GYPB: variants seen among roughly 807,000 people sequenced by gnomAD.
GYPB encodes the protein glycophorin B (MNS blood group).
Under a neutral mutation model 15.3 loss-of-function variants are expected in GYPB, and 13 were observed. The ratio of observed to expected loss-of-function variants is 0.85; its 90% CI spans 0.55 to 1.35. GYPB has a LOEUF of 1.35. GYPB is among the 40% of genes most tolerant of loss of function. GYPB has a pLI of 0.00. For missense variants in GYPB, 131 were observed against 108.3 expected (o/e 1.21, Z -0.93); for synonymous variants, 38 against 36.9 (o/e 1.03, Z -0.11).
At position 144,008,302 on chromosome 4, in the gene GYPB, C is replaced by G. The variant is rs1728031898; in HGVS notation, c.38-7019G>C. 10 of 440,950 alleles carry G rather than the reference C, an allele frequency of 2.3e-5. No individual in the cohort carries two copies. In the Admixed American group the frequency reaches 2.4e-4, roughly 11 times the overall value. The allele number at this position is 440,950 out of a possible 1,614,324, so 27.3% of individuals were successfully genotyped here. A position where few individuals can be genotyped will look rare whatever the true frequency, so the allele number is the denominator to read the frequency against. On this transcript the variant is annotated intron_variant, in intron 1 of 4. Coordinates refer to ENST00000502664, the MANE Select transcript of GYPB (RefSeq NM_002100.6). ...TAAGTTGTCATTGAGAGATTAAATTCTCACCAAATTATAATGCAACCAACT... is the reference window on the plus strand; with the variant it reads ...TAAGTTGTCATTGAGAGATTAAATTGTCACCAAATTATAATGCAACCAACT...
At chr4:143,997,202 A>T (rs1449620472) in intron 4 of GYPB, 1 of 168,728 alleles carries the variant, frequency 5.9e-6, no homozygotes, top group Admixed American at 6.0e-5. Context: ...TATTATTTTA[A>T]ATATTTTTTA....
intron 1 of GYPB, among the ~76,000 whole-genome samples, chr4:144,016,350 C>T (rs1728500146): frequency 6.7e-6 from 1 of 149,920 alleles, no homozygotes; most frequent in Admixed American, 6.6e-5. Context: ...CCCTTCCCTT[C>T]TCTCTTCTCC....
chr4:144,015,071 A>G (rs1728419776), intron 1 of GYPB, among the ~76,000 whole-genome samples: 1 of 151,466 alleles, frequency 6.6e-6, no homozygotes, highest in African/African-American at 2.5e-5. Flanking sequence ...AATAGATTGT[A>G]TAGTCATAGT....
chr4:143,996,891 ATTTTAT>A (rs1727344868), intron 4 of GYPB, among the ~76,000 whole-genome samples: 1 of 150,770 alleles, frequency 6.6e-6, no homozygotes, highest in Non-Finnish European at 1.5e-5. Context: ...CAAAAGTTTT[ATTTTAT>A]TTTTATTTAT....
rs1727378825 is a variant in GYPB, at chr4:143,997,385, T to G, written c.270+155A>C. 10 of 526,438 alleles carry G rather than the reference T, an allele frequency of 1.9e-5. 1 individual carries two copies. The South Asian group carries it at 2.3e-4, about 12-fold the overall frequency. The allele number at this position is 526,438 out of a possible 1,614,324, so 32.6% of individuals were successfully genotyped here. The stretch of plus-strand genomic sequence containing the variant: ...GGCAAATGCAAAAAAAAAATTCTGC[T>G]AGAGAAACACAGTGACTTCTATGTG... On this transcript the variant is annotated intron_variant, in intron 4 of 4. Coordinates refer to ENST00000502664, the MANE Select transcript of GYPB (RefSeq NM_002100.6).
At chr4:144,001,555 T>C (rs1560706368) in intron 1 of GYPB, among the ~76,000 whole-genome samples, 2 of 151,312 alleles carry the variant, frequency 1.3e-5, no homozygotes, top group East Asian at 1.9e-4. Flanking sequence ...ATCTGTACAA[T>C]AGTAATACTT....
At chr4:143,995,494 A>G (rs1028076985), downstream of GYPB, among the ~76,000 whole-genome samples, 6 of 151,082 alleles carry the variant, frequency 4.0e-5, no homozygotes, top group African/African-American at 1.5e-4. Context: ...GCACATTGGG[A>G]CCCCAGGTCC....
At chr4:144,008,772 A>G (rs1728062857) in intron 1 of GYPB, among the ~76,000 whole-genome samples, 1 of 151,506 alleles carries the variant, frequency 6.6e-6, no homozygotes, top group African/African-American at 2.5e-5. Context: ...TGGTTGAACA[A>G]TACAAAATTG....
intron 1 of GYPB, among the ~76,000 whole-genome samples, chr4:144,011,998 A>T (rs1369837817): frequency 6.6e-6 from 1 of 152,172 alleles, no homozygotes; most frequent in Non-Finnish European, 1.5e-5. Flanking sequence ...GTTTTTAAAA[A>T]TATAATGATG....
At chr4:144,016,328 C>T (rs1273538925) in intron 1 of GYPB, among the ~76,000 whole-genome samples, 1 of 150,168 alleles carries the variant, frequency 6.7e-6, no homozygotes, top group Non-Finnish European at 1.5e-5. Flanking sequence ...CCTCCCCTTC[C>T]TCCTGTCTCT....
rs141053026 is a variant in GYPB at position 144,019,165 on chromosome 4, G to C, written c.37+86C>G. ...ACTACTCATTTATTGATTTAAATAA[G>C]ATAGAACTGAAATAGGGTAGTTCAT... On this transcript the variant is annotated intron_variant, in intron 1 of 4. Transcript: ENST00000502664. 3.0e-3 allele frequency: 4,817 copies of C among 1,598,262 alleles called. 380 individuals carry two copies. In the African/African-American group the frequency reaches 0.058, roughly 19 times the overall value.
intron 4 of GYPB, 137 bp from the exon 5 acceptor site, chr4:143,996,441 G>A: frequency 6.8e-7 from 1 of 1,477,424 alleles, no homozygotes; most frequent in Non-Finnish European, 9.2e-7. Flanking sequence ...GGGTACCTAG[G>A]GGTGTTGCCA....
At chr4:144,016,925 TAAC>T in intron 1 of GYPB, 1 of 348,530 alleles carries the variant, frequency 2.9e-6, no homozygotes, top group South Asian at 2.3e-5. Context: ...ACTCAGAAAA[TAAC>T]TCCCTGCTAC....
intron 1 of GYPB, among the ~76,000 whole-genome samples, chr4:144,006,695 C>T (rs1470818176): frequency 1.3e-5 from 2 of 152,050 alleles, no homozygotes; most frequent in South Asian, 2.1e-4. Flanking sequence ...CAAACTCTTA[C>T]AAGGACACAC....
At chr4:143,998,930 G>T (rs67944983) in intron 3 of GYPB, among the ~76,000 whole-genome samples, 28,800 of 148,912 alleles carry the variant, frequency 0.19, 3,383 homozygotes, top group East Asian at 0.34. Context: ...TTTTGAGACA[G>T]GGTCTTACCA....
chr4:143,997,330 A>G, intron 4 of GYPB: 1 of 433,510 alleles, frequency 2.3e-6, no homozygotes, highest in Non-Finnish European at 4.3e-6. Flanking sequence ...AATGGGGGAC[A>G]GACTTATATT....
intron 1 of GYPB, among the ~76,000 whole-genome samples, chr4:144,017,092 C>T (rs1728541264): frequency 6.6e-6 from 1 of 150,904 alleles, no homozygotes; most frequent in African/African-American, 2.5e-5. Flanking sequence ...TGCTCCCACC[C>T]TCCGTGTATC....
chr4:144,006,539 A>C (rs1475116966), intron 1 of GYPB, among the ~76,000 whole-genome samples: 1 of 151,986 alleles, frequency 6.6e-6, no homozygotes, highest in African/African-American at 2.4e-5. Context: ...AATAAAAATA[A>C]AATGTGATAT....
At chr4:144,013,868 A>T (rs1306936043) in intron 1 of GYPB, among the ~76,000 whole-genome samples, 1 of 150,566 alleles carries the variant, frequency 6.6e-6, no homozygotes, top group Non-Finnish European at 1.5e-5. Context: ...ACATGTATAC[A>T]TATGTAACCT....
Sources: allele counts gnomAD v4.1 joint callset (sites outside exome capture counted in the v4.1 genomes callset), GRCh38; gene constraint gnomAD v4.1.1; transcripts MANE v1.5; gene names NCBI Gene and HGNC (gene_info 2026-07-23, HGNC 2026-07-21).